Variants in SERPINE2 observed in about 807,000 individuals in gnomAD.
The protein encoded by SERPINE2 is glia-derived nexin.
Under a neutral mutation model 36.3 loss-of-function variants are expected in SERPINE2, and 14 were observed. The ratio of observed to expected loss-of-function variants is 0.39; its 90% confidence interval spans 0.25 to 0.60. The LOEUF (loss-of-function observed/expected upper bound fraction) is 0.60. SERPINE2 is among the 20% of genes least tolerant of loss of function. SERPINE2 has a pLI of 0.57. For synonymous variants in SERPINE2, 192 were observed against 191.8 expected (o/e 1.00, Z -0.01); for missense variants, 418 against 499.6 (o/e 0.84, Z 1.56).
At chr2:223,976,916 G>A (rs1402843616) in intron 8 of SERPINE2, among the ~76,000 whole-genome samples, 1 of 152,206 alleles carries the variant, frequency 6.6e-6, no homozygotes, top group Non-Finnish European at 1.5e-5. Context: ...GGACCAGGTG[G>A]AGAAAACTGA....
intron 1 of SERPINE2, among the ~76,000 whole-genome samples, chr2:224,008,421 A>G (rs1009327319): frequency 2.0e-5 from 3 of 152,170 alleles, no homozygotes; most frequent in African/African-American, 7.2e-5. Context: ...CCCATATCCA[A>G]CAGTTTTCAA....
intron 1 of SERPINE2, chr2:224,031,561 A>AC (rs1692370928): frequency 2.1e-6 from 2 of 948,748 alleles, no homozygotes; most frequent in Non-Finnish European, 2.5e-6. Flanking sequence ...GCATGTGACC[A>AC]CGTGACCTAG....
chr2:223,979,166 G>A (rs2106130978), intron 7 of SERPINE2: 1 of 152,140 alleles, frequency 6.6e-6, no homozygotes, highest in Non-Finnish European at 1.5e-5. Flanking sequence ...GCGGTTACAT[G>A]GGGCCCTGCA....
chr2:224,027,490 C>T (rs1692224237), intron 1 of SERPINE2, among the ~76,000 whole-genome samples: 1 of 152,138 alleles, frequency 6.6e-6, no homozygotes, highest in African/African-American at 2.4e-5. Context: ...AGCTTGACCT[C>T]CCAAACATGT....
intron 1 of SERPINE2, chr2:224,031,398 G>T (rs539884678): frequency 2.0e-6 from 2 of 985,564 alleles, no homozygotes; most frequent in Non-Finnish European, 2.4e-6. Flanking sequence ...GATTCCGTTG[G>T]GGGGAAAACA....
chr2:224,015,018 G>C (rs1341233490), intron 1 of SERPINE2, among the ~76,000 whole-genome samples: 2 of 151,822 alleles, frequency 1.3e-5, no homozygotes, highest in African/African-American at 4.8e-5. Context: ...TGGGGGCCAG[G>C]GAGGGTGGTG....
At chr2:224,014,387 AAG>A (rs1253225925) in intron 1 of SERPINE2, among the ~76,000 whole-genome samples, 2 of 152,192 alleles carry the variant, frequency 1.3e-5, no homozygotes, top group Admixed American at 1.3e-4. Context: ...AAAAAAGAAA[AAG>A]AAAAAAAGAA....
At chr2:224,005,419 T>A (rs1691387241) in intron 1 of SERPINE2, among the ~76,000 whole-genome samples, 1 of 152,014 alleles carries the variant, frequency 6.6e-6, no homozygotes, top group Non-Finnish European at 1.5e-5. Flanking sequence ...GGGCAGAACT[T>A]CTCCTTGGCC....
At chr2:224,027,995 A>G (rs1047510091) in intron 1 of SERPINE2, among the ~76,000 whole-genome samples, 1 of 152,216 alleles carries the variant, frequency 6.6e-6, no homozygotes, top group African/African-American at 2.4e-5. Flanking sequence ...CACAGGAGTG[A>G]ATACAGAGAC....
At chr2:223,992,077 A>C (rs1238002761) in intron 3 of SERPINE2, 77 bp from the exon 4 acceptor site, 2 of 1,224,772 alleles carry the variant, frequency 1.6e-6, no homozygotes, top group Non-Finnish European at 2.4e-6. Context: ...GGCAGCTGTC[A>C]TCAGGTAGAC....
intron 1 of SERPINE2, among the ~76,000 whole-genome samples, chr2:224,032,887 C>T (rs1312290726): frequency 6.6e-6 from 1 of 152,146 alleles, no homozygotes; most frequent in Admixed American, 6.5e-5. Flanking sequence ...GAAGGGATGC[C>T]GACTTCCCTG....
At chr2:223,982,822 T>C (rs1421686159) in intron 5 of SERPINE2, 41 bp from the exon 6 acceptor site, 2 of 1,418,572 alleles carry the variant, frequency 1.4e-6, no homozygotes, top group Non-Finnish European at 2.0e-6. Context: ...ATCACGAGGC[T>C]ATAAATGCTA....
chr2:224,005,796 G>A (rs368193561), intron 1 of SERPINE2, among the ~76,000 whole-genome samples: 6 of 152,162 alleles, frequency 3.9e-5, no homozygotes, highest in African/African-American at 1.4e-4. Context: ...GCAACAAGAT[G>A]GAAGATTATC....
intron 1 of SERPINE2, among the ~76,000 whole-genome samples, chr2:224,034,714 G>C (rs1023302104): frequency 6.6e-6 from 1 of 152,130 alleles, no homozygotes; most frequent in African/African-American, 2.4e-5. Context: ...GACTCCCTGG[G>C]ATGGCCTATG....
chr2:224,028,995 T>C (rs569511399), intron 1 of SERPINE2, among the ~76,000 whole-genome samples: 106 of 152,364 alleles, frequency 7.0e-4, no homozygotes, highest in Non-Finnish European at 1.0e-3. Flanking sequence ...GGAAAAACTA[T>C]GTCTTCATAC....
intron 3 of SERPINE2, among the ~76,000 whole-genome samples, chr2:223,993,701 A>C (rs557619888): frequency 5.9e-5 from 9 of 152,206 alleles, no homozygotes; most frequent in Non-Finnish European, 1.3e-4. Context: ...GAAACTCAAG[A>C]GGATTCTGAT....
At chr2:224,000,346 C>G (rs1038545336) in intron 2 of SERPINE2, among the ~76,000 whole-genome samples, 1 of 152,212 alleles carries the variant, frequency 6.6e-6, no homozygotes, top group African/African-American at 2.4e-5. Context: ...GCAGGTGGGA[C>G]ATGGCTCTGG....
intron 1 of SERPINE2, among the ~76,000 whole-genome samples, chr2:224,006,213 C>CA (rs1309933157): frequency 6.6e-6 from 1 of 152,238 alleles, no homozygotes; most frequent in African/African-American, 2.4e-5. Context: ...CTCAAATCCT[C>CA]AAACTCTCTG....
chr2:224,025,182 G>A (rs1376892694), intron 1 of SERPINE2, among the ~76,000 whole-genome samples: 2 of 152,130 alleles, frequency 1.3e-5, no homozygotes, highest in African/African-American at 4.8e-5. Flanking sequence ...AGACTGGCAC[G>A]GCCAAGGGCT....
Sources: allele counts gnomAD v4.1 joint callset (sites outside exome capture counted in the v4.1 genomes callset), GRCh38; gene constraint gnomAD v4.1.1; transcripts MANE v1.5; gene names NCBI Gene and HGNC (gene_info 2026-07-23, HGNC 2026-07-21).